The following CCNY variants were observed in gnomAD, a reference collection of about 807,000 sequenced individuals.
CCNY encodes cyclin-Y.
In CCNY, 19 loss-of-function variants were observed where a neutral mutation model predicts 42.8. The ratio of observed to expected loss-of-function variants is 0.44; its 90% CI spans 0.31 to 0.65. The LOEUF is 0.65. Ranked by LOEUF, CCNY falls within the 30% of genes least tolerant of loss-of-function variation. The probability of loss-of-function intolerance (pLI) is 0.07; values close to 1 mark genes in which losing one functional copy is unlikely to be tolerated. For missense variants in CCNY, 370 were observed against 437.3 expected (o/e 0.85, Z 1.37); for synonymous variants, 165 against 162.7 (o/e 1.01, Z -0.11).
In CCNY at chr10:35,492,996, G is replaced by GGT. The variant is rs113271246; in HGVS notation, c.230-8504_230-8503insTG. ...TGCAGTCTTCTCTTGAGGTGCATGGGGGGGGGAGGGCAGGTATCAGGTTTC... is the reference window on the plus strand; with the variant it reads ...TGCAGTCTTCTCTTGAGGTGCATGGGGTGGGGGGAGGGCAGGTATCAGGTTTC... On this transcript the variant is annotated intron_variant, in intron 2 of 9. Transcript: ENST00000374704. Among the ~76,000 whole-genome samples, 505 of 152,160 alleles carry GGT rather than the reference G, an allele frequency of 3.3e-3. 3 individuals carry two copies. The highest frequency in any genetic ancestry group is 0.011 in the African/African-American group (475 of 41,504).
In CCNY at chr10:35,566,064, A is replaced by G. The variant is rs1355266771; in HGVS notation, c.788A>G (p.Asn263Ser). The G allele has an allele frequency of 6.2e-7, 1 of 1,614,094 alleles. No homozygotes were observed. The highest frequency in any genetic ancestry group is 8.5e-7 in the Non-Finnish European group (1 of 1,180,014). ...CAGTTTCTTGAATTGCTGCAGTTCA[A>G]CATCAATGTTCCTTCCAGTGTCTAT... ...ERQFLELLQFNINVPSSVYAK... is the reference protein window; with the variant it reads ...ERQFLELLQFSINVPSSVYAK... Residue 263 changes from asparagine (N) to serine (S), a missense_variant, in exon 9 of 10, where the codon AAC becomes AGC. Coordinates refer to ENST00000374704, the MANE Select transcript of CCNY (RefSeq NM_145012.6).
Position 35,566,112 on chromosome 10 carries a change from G to A in CCNY, c.836G>A (p.Arg279His). The A allele has an allele frequency of 1.9e-6, 3 of 1,614,172 alleles. No homozygotes were observed. Among genetic ancestry groups the A allele is most frequent in the South Asian group, 1.1e-5 (1 of 91,076 alleles). The change falls in exon 9 of 10, where the codon CGT (arginine) becomes CAT (histidine). Residue 279 changes from arginine (R) to histidine (H), a missense_variant. Physicochemically the swap from Arg to His is conservative, Grantham distance 29. Around this residue, in one of 2 missense-constraint regions of CCNY, gnomAD observed 234 missense variants for 313.1 expected, o/e 0.75. Coordinates refer to ENST00000374704, the MANE Select transcript of CCNY (RefSeq NM_145012.6). ...TATGCCAAGTATTATTTTGATCTTCGTTCTCTGGCAGAAGCGAACAACCTG... is the reference window on the plus strand; with the variant it reads ...TATGCCAAGTATTATTTTGATCTTCATTCTCTGGCAGAAGCGAACAACCTG... ...SVYAKYYFDL[R>H]SLAEANNLSF... is the part of the protein sequence containing the mutation.
chr10:35,463,624 G>C (rs755744620), intron 1 of CCNY, among the ~76,000 whole-genome samples: 3 of 152,226 alleles, frequency 2.0e-5, no homozygotes. Flanking sequence ...CAACACTTTA[G>C]GAAACAACTG....
chr10:35,560,770 T>C (rs1258583959), intron 8 of CCNY, among the ~76,000 whole-genome samples: 1 of 152,136 alleles, frequency 6.6e-6, no homozygotes, highest in African/African-American at 2.4e-5. Context: ...GTAAAATAGA[T>C]TTACTATTAG....
chr10:35,463,111 G>C (rs1224272028), intron 1 of CCNY, among the ~76,000 whole-genome samples: 1 of 152,226 alleles, frequency 6.6e-6, no homozygotes, highest in Non-Finnish European at 1.5e-5. Context: ...TTTCACTAGA[G>C]GGATTCAAGC....
chr10:35,437,917 T>C (rs1003627472), intron 1 of CCNY, among the ~76,000 whole-genome samples: 2 of 152,128 alleles, frequency 1.3e-5, no homozygotes, highest in Non-Finnish European at 2.9e-5. Flanking sequence ...AAATAGATAA[T>C]AAACTGGAAA....
At chr10:35,309,383 G>C (rs1835654022) in intron 3 of CCNY, among the ~76,000 whole-genome samples, 1 of 152,138 alleles carries the variant, frequency 6.6e-6, no homozygotes. Context: ...AATCTACCTG[G>C]GAGGCTTGTG....
intron 9 of CCNY, among the ~76,000 whole-genome samples, chr10:35,566,556 T>C (rs1437418954): frequency 6.6e-6 from 1 of 152,206 alleles, no homozygotes; most frequent in Non-Finnish European, 1.5e-5. Context: ...TTGGCCAGGC[T>C]GGTCTCAAAC....
chr10:35,559,755 G>A (rs190653284), intron 8 of CCNY, among the ~76,000 whole-genome samples: 17 of 152,350 alleles, frequency 1.1e-4, no homozygotes, highest in African/African-American at 3.6e-4. Context: ...AGGGGTGAAT[G>A]ATCCTGAGAT....
intron 8 of CCNY, among the ~76,000 whole-genome samples, chr10:35,557,301 C>G (rs1841380010): frequency 6.6e-6 from 1 of 152,118 alleles, no homozygotes. Context: ...TCATTATTTT[C>G]TTTCTAGTTT....
chr10:35,395,556 G>A lies in CCNY; in HGVS notation c.154+58349G>A, dbSNP rs542149222. Among the ~76,000 whole-genome samples the A allele has an allele frequency of 1.1e-4, 16 of 152,126 alleles. No homozygotes were observed. The South Asian group carries it at 2.3e-3, about 22-fold the overall frequency. On this transcript the variant is annotated intron_variant, in intron 1 of 9. Coordinates refer to ENST00000374704, the MANE Select transcript of CCNY (RefSeq NM_145012.6). ...GGGGTTGTGGGGGACAGTAGAGGAC[G>A]AGGAACACATCAGATATTGAGGGTG...
intron 1 of CCNY, among the ~76,000 whole-genome samples, chr10:35,432,249 C>G (rs1323057255): frequency 6.6e-6 from 1 of 152,182 alleles, no homozygotes. Flanking sequence ...CTCTCCACTT[C>G]AGTGTCTTGA....
intron 3 of CCNY, among the ~76,000 whole-genome samples, chr10:35,301,291 A>T (rs1328395788): frequency 6.6e-6 from 1 of 152,186 alleles, no homozygotes; most frequent in Non-Finnish European, 1.5e-5. Context: ...GTGTGTAGAC[A>T]TGATGGAAGG....
intron 3 of CCNY, among the ~76,000 whole-genome samples, chr10:35,291,912 A>G (rs989135649): frequency 4.6e-5 from 7 of 152,218 alleles, no homozygotes; most frequent in African/African-American, 1.7e-4. Flanking sequence ...TGGGCCATAC[A>G]TATGATAACC....
chr10:35,331,778 C>A (rs896702361), upstream of CCNY, among the ~76,000 whole-genome samples: 3 of 152,142 alleles, frequency 2.0e-5, no homozygotes, highest in Admixed American at 1.3e-4. Context: ...ATATATTTCT[C>A]ATGGTGGAAT....
chr10:35,309,558 C>T (rs1335131045), intron 3 of CCNY, among the ~76,000 whole-genome samples: 5 of 152,120 alleles, frequency 3.3e-5, no homozygotes, highest in Non-Finnish European at 7.4e-5. Context: ...GTAGCTGGGA[C>T]TGCAGGCACA....
intron 1 of CCNY, among the ~76,000 whole-genome samples, chr10:35,389,399 T>C (rs951234034): frequency 5.3e-5 from 8 of 151,944 alleles, no homozygotes; most frequent in African/African-American, 1.9e-4. Context: ...TTCAACTCCC[T>C]GATTTTACTT....
At chr10:35,321,513 A>G (rs1003260984) in intron 3 of CCNY, among the ~76,000 whole-genome samples, 2 of 152,066 alleles carry the variant, frequency 1.3e-5, no homozygotes, top group Admixed American at 1.3e-4. Context: ...TCTCTACAAA[A>G]ACAAACAGCA....
intron 7 of CCNY, among the ~76,000 whole-genome samples, chr10:35,535,630 T>C (rs1372457984): frequency 2.6e-5 from 4 of 152,174 alleles, no homozygotes; most frequent in Non-Finnish European, 4.4e-5. Context: ...AACTGTAAAA[T>C]GAAAATGTGG....
Sources: gnomAD v4.1 joint callset for allele counts (sites outside exome capture counted in the v4.1 genomes callset) on GRCh38, gnomAD v4.1.1 for gene constraint, gnomAD v4.1.1 regional missense constraint, MANE v1.5 for transcripts, NCBI Gene and HGNC (gene_info 2026-07-23, HGNC 2026-07-21) for gene names.